Variants in FBLN1 observed in about 807,000 individuals in gnomAD.
The protein encoded by FBLN1 is fibulin-1.
A neutral mutation model predicts 89.7 loss-of-function variants in FBLN1; 34 were observed. The observed-to-expected ratio is 0.38, with a 90% CI of 0.29 to 0.50. The LOEUF (loss-of-function observed/expected upper bound fraction) is 0.50. Among genes scored for constraint, FBLN1 ranks in the 20% least tolerant of loss-of-function variants. The pLI is 0.92. For missense variants in FBLN1, 777 were observed against 988.1 expected (o/e 0.79, Z 2.86); for synonymous variants, 393 against 391.3 (o/e 1.00, Z -0.05).
intron 11 of FBLN1, among the ~76,000 whole-genome samples, chr22:45,544,071 T>C (rs564441804): frequency 2.9e-4 from 44 of 150,238 alleles, no homozygotes; most frequent in African/African-American, 9.8e-4. Flanking sequence ...CGTGGGTCAC[T>C]GTGCACCTGC....
rs74388276 is a variant in FBLN1, at chr22:45,565,369, C to T, written c.1698-9142C>T. On this transcript the variant is annotated intron_variant, in intron 14 of 16. Coordinates refer to ENST00000327858, the MANE Select transcript of FBLN1 (RefSeq NM_006486.3). Reference sequence around the variant, plus strand: ...CCCCAGCTCATCCATGTGCTTGTACCCTGGCCCCACGGGGAGGCTTGCCCT... The same window carrying T: ...CCCCAGCTCATCCATGTGCTTGTACTCTGGCCCCACGGGGAGGCTTGCCCT... The T allele has an allele frequency of 3.1e-3, 3,249 of 1,047,884 alleles. 68 individuals carry two copies. The African/African-American group carries it at 0.05, about 16-fold the overall frequency. The allele number at this position is 1,047,884 out of a possible 1,614,324, so 64.9% of individuals were successfully genotyped here. A position where few individuals can be genotyped will look rare whatever the true frequency, so the allele number is the denominator to read the frequency against.
At chr22:45,564,284 G>A (rs2088881926) in intron 14 of FBLN1, among the ~76,000 whole-genome samples, 1 of 152,188 alleles carries the variant, frequency 6.6e-6, no homozygotes, top group Non-Finnish European at 1.5e-5. Context: ...CTCCCCTACA[G>A]CTCATTCTTT....
chr22:45,570,398 T>G (rs936652653), intron 14 of FBLN1, among the ~76,000 whole-genome samples: 1 of 77,278 alleles, frequency 1.3e-5, no homozygotes, highest in African/African-American at 4.8e-5. Context: ...GAAAGGAAAA[T>G]AGAAAAATCG....
At position 45,547,130 on chromosome 22, in the gene FBLN1, A is replaced by G. The variant is rs750649269; in HGVS notation, c.1367A>G (p.Asn456Ser). The G allele has an allele frequency of 6.2e-7, 1 of 1,614,166 alleles. No individual in the cohort carries two copies. Among genetic ancestry groups the G allele is most frequent in the Non-Finnish European group, 8.5e-7 (1 of 1,180,034 alleles). Residue 456 changes from asparagine to serine, a missense_variant, in exon 12 of 17, where the codon AAC becomes AGC. Transcript: ENST00000327858. The stretch of plus-strand genomic sequence containing the variant: ...AGCCCCTGTAGCCAGGAGTGTGCCA[A>G]CGTCTACGGCTCCTACCAGTGTTAC... Reference protein sequence around the residue: ...SSSPCSQECANVYGSYQCYCR... With the variant: ...SSSPCSQECASVYGSYQCYCR...
intron 2 of FBLN1, among the ~76,000 whole-genome samples, 178 bp downstream of exon 2, chr22:45,518,965 C>T (rs762438069): frequency 6.6e-6 from 1 of 152,198 alleles, no homozygotes; most frequent in Non-Finnish European, 1.5e-5. Context: ...ACCGGCCTGG[C>T]ACCGGGCCTT....
At chr22:45,598,422 G>A (rs760154180) in intron 16 of FBLN1, among the ~76,000 whole-genome samples, 10 of 152,222 alleles carry the variant, frequency 6.6e-5, no homozygotes, top group East Asian at 1.9e-4. Context: ...CATGTGGAAC[G>A]GAGAAGGGAC....
In FBLN1 at chr22:45,530,691, T is replaced by C. The variant is rs1309956025; in HGVS notation, c.485-574T>C. ...GCATTTGCTGAGATGGTCAAGTAATTTGGACTATGGGAATATCACCCAGCA... is the reference window on the plus strand; with the variant it reads ...GCATTTGCTGAGATGGTCAAGTAATCTGGACTATGGGAATATCACCCAGCA... On this transcript the variant is annotated intron_variant, in intron 4 of 16. Transcript: ENST00000327858. This position sits in a 1 kb window ranked among gnomAD's most constrained non-coding sequence, Gnocchi z 5.4. Among the ~76,000 whole-genome samples, 1 of 152,172 alleles carries C rather than the reference T, an allele frequency of 6.6e-6. No individual in the cohort carries two copies. Among genetic ancestry groups the C allele is most frequent in the Admixed American group, 6.5e-5 (1 of 15,278 alleles).
chr22:45,598,379 C>G lies in FBLN1; in HGVS notation c.1973-1928C>G, dbSNP rs150221307. The stretch of plus-strand genomic sequence containing the variant: ...GATAGTTACCCCACATCCCCACCCT[C>G]AACACCACCTTAGACAAATCCTACT... On this transcript the variant is annotated intron_variant, in intron 16 of 16. Transcript: ENST00000327858. Among the ~76,000 whole-genome samples, 350 of 152,376 alleles carry G rather than the reference C, an allele frequency of 2.3e-3. 1 individual carries two copies. Among genetic ancestry groups the G allele is most frequent in the African/African-American group, 8.0e-3 (332 of 41,588 alleles).
Position 45,550,651 on chromosome 22 carries a change from G to A in FBLN1, c.1697+36G>A. 6.2e-7 allele frequency: 1 copy of A among 1,613,924 alleles called. No individual in the cohort carries two copies. Among genetic ancestry groups the A allele is most frequent in the East Asian group, 2.2e-5 (1 of 44,882 alleles). Reference sequence around the variant, plus strand: ...TGGACCATGCCATCGTCGTCTGTCTGTGTTGGCCTTCCTGGTGACCCAGTT... The same window carrying A: ...TGGACCATGCCATCGTCGTCTGTCTATGTTGGCCTTCCTGGTGACCCAGTT... On this transcript the variant is annotated intron_variant, in intron 14 of 16. Coordinates refer to ENST00000327858, the MANE Select transcript of FBLN1 (RefSeq NM_006486.3). This position sits in a 1 kb window ranked among gnomAD's most constrained non-coding sequence, Gnocchi z 8.4.
intron 14 of FBLN1, chr22:45,551,165 A>G (rs2088696573): frequency 1.4e-5 from 3 of 209,574 alleles, no homozygotes; most frequent in South Asian, 1.7e-4. Context: ...TTGTAAGCTC[A>G]CTCACTCCTA....
At position 45,581,227 on chromosome 22, in the gene FBLN1, TCC is replaced by T. The variant is rs1364024107; in HGVS notation, c.1972+4122_1972+4123del. 6.6e-6 allele frequency among the ~76,000 whole-genome samples: 1 copy of T among 152,074 alleles called. No homozygotes were observed. Among genetic ancestry groups the T allele is most frequent in the East Asian group, 1.9e-4 (1 of 5,148 alleles). The stretch of plus-strand genomic sequence containing the variant: ...AAAGGCAACTCGAGGCCACCCGGGC[TCC>T]CCGGGCCCCTGGGCTATGGCTGCTG... On this transcript the variant is annotated intron_variant, in intron 16 of 16. Transcript: ENST00000327858. This position sits in a 1 kb window ranked among gnomAD's most constrained non-coding sequence, Gnocchi z 7.6.
At chr22:45,582,976 T>C (rs1356106328) in intron 16 of FBLN1, among the ~76,000 whole-genome samples, 2 of 152,312 alleles carry the variant, frequency 1.3e-5, no homozygotes, top group African/African-American at 4.8e-5. Flanking sequence ...GAGACTTCGC[T>C]GGCAGTTTTG....
chr22:45,596,040 T>C (rs573017995), intron 16 of FBLN1, among the ~76,000 whole-genome samples: 24 of 152,278 alleles, frequency 1.6e-4, no homozygotes, highest in Admixed American at 3.9e-4. Context: ...CGGCTAATTT[T>C]TTGTATTTTT....
At chr22:45,582,003 C>G (rs548626884) in intron 16 of FBLN1, among the ~76,000 whole-genome samples, 1 of 152,306 alleles carries the variant, frequency 6.6e-6, no homozygotes, top group East Asian at 1.9e-4. Flanking sequence ...GCTTCCAGAT[C>G]CCGCTGCTTT....
At chr22:45,571,859 G>T (rs956689452) in intron 14 of FBLN1, among the ~76,000 whole-genome samples, 1 of 152,200 alleles carries the variant, frequency 6.6e-6, no homozygotes, top group African/African-American at 2.4e-5. Flanking sequence ...GGCCAGGCGC[G>T]GTGGCTCACA....
rs1198305874 is a variant in FBLN1, at chr22:45,531,011, G to A, written c.485-254G>A. 6.6e-6 allele frequency among the ~76,000 whole-genome samples: 1 copy of A among 152,120 alleles called. No individual in the cohort carries two copies. Among genetic ancestry groups the A allele is most frequent in the Admixed American group, 6.5e-5 (1 of 15,280 alleles). The stretch of plus-strand genomic sequence containing the variant: ...ACTCCTGACCTCAGGTGATCCGCCT[G>A]CCTCGGCCTCCCAAAGTGCTGGGAT... On this transcript the variant is annotated intron_variant, in intron 4 of 16. Transcript: ENST00000327858. This position sits in a 1 kb window ranked among gnomAD's most constrained non-coding sequence, Gnocchi z 4.9.
At chr22:45,519,638 AAAAG>A (rs1353792788) in intron 2 of FBLN1, among the ~76,000 whole-genome samples, 1 of 151,844 alleles carries the variant, frequency 6.6e-6, no homozygotes, top group Non-Finnish European at 1.5e-5. Flanking sequence ...AAAAAAAAAA[AAAAG>A]GAATAAATGA....
chr22:45,525,373 G>A (rs1318652962), intron 2 of FBLN1, among the ~76,000 whole-genome samples, 170 bp from the exon 3 acceptor site: 1 of 152,202 alleles, frequency 6.6e-6, no homozygotes, highest in Non-Finnish European at 1.5e-5. Flanking sequence ...CTAACTAAAT[G>A]CTAATTGAGC....
rs1410447022 is a variant in FBLN1 at position 45,532,411 on chromosome 22, G to A, written c.545-652G>A. On this transcript the variant is annotated intron_variant, in intron 5 of 16. Transcript: ENST00000327858. The surrounding 1 kb of genome is among the most constrained non-coding windows in gnomAD (Gnocchi z 4.2). Reference sequence around the variant, plus strand: ...GAGGCAGTGGGCTGGGGAAGGAGGTGGGGTTACAGGGCCAGAGAGAGGGGC... The same window carrying A: ...GAGGCAGTGGGCTGGGGAAGGAGGTAGGGTTACAGGGCCAGAGAGAGGGGC... 1.3e-5 allele frequency among the ~76,000 whole-genome samples: 2 copies of A among 152,132 alleles called. No homozygotes were observed. The highest frequency in any genetic ancestry group is 1.3e-4 in the Admixed American group (2 of 15,284).
Sources: allele counts gnomAD v4.1 joint callset (sites outside exome capture counted in the v4.1 genomes callset), GRCh38; gene constraint gnomAD v4.1.1; non-coding constraint Gnocchi (gnomAD v3.1); transcripts MANE v1.5; gene names NCBI Gene and HGNC (gene_info 2026-07-23, HGNC 2026-07-21).